The following LINGO2 variants were observed in gnomAD, a reference collection of about 807,000 sequenced individuals.
LINGO2 encodes the protein leucine-rich repeat and immunoglobulin-like domain-containing nogo receptor-interacting protein 2.
LINGO2 carries 14 observed loss-of-function variants against 30.6 expected under a neutral mutation model. That is an observed-to-expected ratio of 0.46 (90% CI 0.30 to 0.72). The LOEUF is 0.72. Among genes scored for constraint, LINGO2 ranks in the 30% least tolerant of loss-of-function variants. The probability of loss-of-function intolerance (pLI) is 0.07; values close to 1 mark genes in which losing one functional copy is unlikely to be tolerated. For synonymous variants in LINGO2, 317 were observed against 288.5 expected (o/e 1.10, Z -1.00); for missense variants, 729 against 751.7 (o/e 0.97, Z 0.35).
At chr9:28,838,762 C>T in the LINGO2 span, among the ~76,000 whole-genome samples, 1 of 152,206 alleles carries the variant, frequency 6.6e-6, no homozygotes, top group Non-Finnish European at 1.5e-5. Flanking sequence ...CGCCCACTGG[C>T]TGGGCTCATT....
the LINGO2 span, among the ~76,000 whole-genome samples, chr9:28,784,933 C>T: frequency 5.6e-3 from 805 of 144,986 alleles, 3 homozygotes; most frequent in Non-Finnish European, 9.1e-3. Flanking sequence ...GGCGACAGAG[C>T]GAGACTCTGT....
At chr9:28,767,860 CT>C in the LINGO2 span, among the ~76,000 whole-genome samples, 2 of 139,914 alleles carry the variant, frequency 1.4e-5, no homozygotes, top group African/African-American at 2.6e-5. Context: ...CCATCTCTTT[CT>C]TTTTCTTACA....
chr9:28,128,103 T>C (rs1416531205), intron 4 of LINGO2, among the ~76,000 whole-genome samples: 1 of 152,220 alleles, frequency 6.6e-6, no homozygotes, highest in African/African-American at 2.4e-5. Context: ...GCTTGCTTAA[T>C]GGAGTCACAG....
At chr9:28,998,283 T>C in the LINGO2 span, among the ~76,000 whole-genome samples, 1 of 152,192 alleles carries the variant, frequency 6.6e-6, no homozygotes, top group Non-Finnish European at 1.5e-5. Flanking sequence ...TTCAAGCCCA[T>C]ATCATGCCAA....
intron 4 of LINGO2, among the ~76,000 whole-genome samples, chr9:28,276,299 C>A (rs1823111865): frequency 6.6e-6 from 1 of 152,122 alleles, no homozygotes; most frequent in African/African-American, 2.4e-5. Context: ...ACGTTGCCTC[C>A]CATATGGACC....
intron 4 of LINGO2, among the ~76,000 whole-genome samples, chr9:28,280,674 G>A (rs1823289778): frequency 6.6e-6 from 1 of 152,122 alleles, no homozygotes; most frequent in Non-Finnish European, 1.5e-5. Flanking sequence ...GGTTGGTTAT[G>A]CATTTCAGAC....
chr9:28,249,256 C>G (rs1259894553), intron 4 of LINGO2, among the ~76,000 whole-genome samples: 3 of 152,076 alleles, frequency 2.0e-5, no homozygotes, highest in African/African-American at 7.2e-5. Context: ...CTAAAACTCT[C>G]TACAGTAATT....
chr9:28,040,857 C>T (rs1452190042), intron 4 of LINGO2, among the ~76,000 whole-genome samples: 1 of 152,172 alleles, frequency 6.6e-6, no homozygotes, highest in Non-Finnish European at 1.5e-5. Context: ...AAAATATACT[C>T]TGCTACTTTG....
At chr9:29,080,538 C>T in the LINGO2 span, among the ~76,000 whole-genome samples, 4 of 151,798 alleles carry the variant, frequency 2.6e-5, no homozygotes, top group African/African-American at 7.2e-5. Flanking sequence ...GTGATGTTAG[C>T]GTGTCAATTT....
chr9:28,293,874 T>C (rs57494558), intron 4 of LINGO2, among the ~76,000 whole-genome samples: 8,547 of 152,264 alleles, frequency 0.056, 311 homozygotes, highest in East Asian at 0.19. Flanking sequence ...CTATGAAGCA[T>C]AGAACTCGGT....
the LINGO2 span, among the ~76,000 whole-genome samples, chr9:29,167,399 C>T: frequency 1.3e-5 from 2 of 152,060 alleles, no homozygotes; most frequent in African/African-American, 4.8e-5. Context: ...CAGAAGCGAT[C>T]CTCAGACATT....
the LINGO2 span, among the ~76,000 whole-genome samples, chr9:28,695,114 A>G: frequency 8.7e-3 from 1,319 of 152,026 alleles, 33 homozygotes; most frequent in East Asian, 0.082. Flanking sequence ...AAACATTTCA[A>G]TTTGTCATGA....
the LINGO2 span, among the ~76,000 whole-genome samples, chr9:29,189,018 C>A: frequency 1.4e-5 from 2 of 141,506 alleles, no homozygotes; most frequent in African/African-American, 2.8e-5. Context: ...GCTGACCCCC[C>A]CACCTACCTC....
At chr9:28,877,112 T>G in the LINGO2 span, among the ~76,000 whole-genome samples, 3 of 150,440 alleles carry the variant, frequency 2.0e-5, no homozygotes, top group African/African-American at 7.4e-5. Context: ...TTTTTTTTTT[T>G]GTAAATTTGT....
In LINGO2 at chr9:28,377,016, G is replaced by A. The variant is rs2134605344; in HGVS notation, c.-278-4148C>T. 1.4e-5 allele frequency among the ~76,000 whole-genome samples: 2 copies of A among 145,586 alleles called. 1 individual carries two copies. The highest frequency in any genetic ancestry group is 4.5e-4 in the South Asian group (2 of 4,430). On this transcript the variant is annotated intron_variant, in intron 2 of 5. Coordinates refer to ENST00000379992, the Ensembl canonical transcript of LINGO2. Reference sequence around the variant, plus strand: ...TTGGAATATTAAACTAATGTATTTAGATCTCTTGAAATCTAGACATCTACA... The same window carrying A: ...TTGGAATATTAAACTAATGTATTTAAATCTCTTGAAATCTAGACATCTACA...
At chr9:28,216,313 A>G (rs1820765911) in intron 4 of LINGO2, among the ~76,000 whole-genome samples, 1 of 151,934 alleles carries the variant, frequency 6.6e-6, no homozygotes, top group South Asian at 2.1e-4. Context: ...ACCTTTTAAA[A>G]ACAAAAGACA....
chr9:27,987,474 G>C, intron 5 of LINGO2, among the ~76,000 whole-genome samples: 1 of 151,798 alleles, frequency 6.6e-6, no homozygotes, highest in Non-Finnish European at 1.5e-5. Flanking sequence ...GTATAGATTA[G>C]ACTTTCAATT....
At chr9:28,288,859 A>C (rs1282075000) in intron 4 of LINGO2, among the ~76,000 whole-genome samples, 3 of 152,168 alleles carry the variant, frequency 2.0e-5, no homozygotes, top group African/African-American at 7.2e-5. Flanking sequence ...GGTGCTATTT[A>C]AGTATTTTTC....
intron 2 of LINGO2, among the ~76,000 whole-genome samples, chr9:28,394,783 G>T (rs1326977281): frequency 2.0e-5 from 3 of 152,126 alleles, no homozygotes; most frequent in African/African-American, 7.2e-5. Flanking sequence ...CCTCTGTGAA[G>T]GAAATAATCC....
Sources: gnomAD v4.1 joint callset for allele counts (sites outside exome capture counted in the v4.1 genomes callset) on GRCh38, gnomAD v4.1.1 for gene constraint, MANE v1.5 for transcripts, NCBI Gene and HGNC (gene_info 2026-07-23, HGNC 2026-07-21) for gene names.